CACNA1C: variants seen among roughly 807,000 people sequenced by gnomAD.
The protein encoded by CACNA1C is voltage-dependent L-type calcium channel subunit alpha-1C.
Under a neutral mutation model 229.0 loss-of-function variants are expected in CACNA1C, and 30 were observed. That is an observed-to-expected ratio of 0.13 (90% confidence interval 0.10 to 0.18). The LOEUF is 0.18. Ranked by LOEUF, CACNA1C falls within the 10% of genes least tolerant of loss-of-function variation. The probability of loss-of-function intolerance (pLI) is 1.00; values close to 1 mark genes in which losing one functional copy is unlikely to be tolerated. For missense variants in CACNA1C, 1,658 were observed against 2,845.0 expected (o/e 0.58, Z 9.49); for synonymous variants, 1,114 against 1,132.5 (o/e 0.98, Z 0.33).
At chr12:2,028,486 CTATCAGT>C (rs1398527822) in intron 1 of CACNA1C, among the ~76,000 whole-genome samples, 1 of 152,176 alleles carries the variant, frequency 6.6e-6, no homozygotes, top group African/African-American at 2.4e-5. Context: ...TACAGATCTT[CTATCAGT>C]CCAATGTTCT....
intron 1 of CACNA1C, among the ~76,000 whole-genome samples, chr12:1,998,183 T>C (rs1226363415): frequency 6.6e-6 from 1 of 152,246 alleles, no homozygotes; most frequent in Non-Finnish European, 1.5e-5. Flanking sequence ...CAGTCTTTCT[T>C]TTGTCATTTA....
chr12:2,171,866 T>C (rs1002775321), intron 3 of CACNA1C, among the ~76,000 whole-genome samples: 2 of 152,038 alleles, frequency 1.3e-5, no homozygotes, highest in Non-Finnish European at 2.9e-5. Flanking sequence ...TGTGACCCTG[T>C]GATAAAGAGC....
rs560652371 is a variant in CACNA1C at position 2,472,671 on chromosome 12, C to T, written c.758-13433C>T. Among the ~76,000 whole-genome samples the T allele has an allele frequency of 2.6e-5, 4 of 152,292 alleles. No homozygotes were observed. In the East Asian group the frequency reaches 7.7e-4, roughly 29 times the overall value. On this transcript the variant is annotated intron_variant, in intron 5 of 46. Coordinates refer to ENST00000399655, the MANE Select transcript of CACNA1C (RefSeq NM_000719.7). Reference sequence around the variant, plus strand: ...TCAAATCGTTGTCTGCCAAGTCCAACATCTGAACAATCTCATTTTTTGTTT... The same window carrying T: ...TCAAATCGTTGTCTGCCAAGTCCAATATCTGAACAATCTCATTTTTTGTTT...
intron 3 of CACNA1C, among the ~76,000 whole-genome samples, chr12:2,398,911 T>C (rs776983014): frequency 1.4e-4 from 22 of 152,158 alleles, no homozygotes; most frequent in Non-Finnish European, 2.9e-4. Context: ...ATTTTTGTTA[T>C]TGGTAACAGC....
chr12:2,595,853 C>T lies in CACNA1C; in HGVS notation c.2664-21C>T, dbSNP rs41276702. 1.8e-5 allele frequency: 29 copies of T among 1,610,848 alleles called. No individual in the cohort carries two copies. Among genetic ancestry groups the T allele is most frequent in the Non-Finnish European group, 2.4e-5 (28 of 1,178,426 alleles). On this transcript the variant is annotated intron_variant, in intron 19 of 46. Transcript: ENST00000399655. The surrounding 1 kb of genome is among the most constrained non-coding windows in gnomAD (Gnocchi z 4.1). The stretch of plus-strand genomic sequence containing the variant: ...TTGTCTGCCTTGACTTGTCTCTCCT[C>T]CTGTCCCCTCTCCCGTACAGGTTTC...
chr12:2,166,700 T>C (rs1469743754), intron 3 of CACNA1C, among the ~76,000 whole-genome samples: 1 of 152,246 alleles, frequency 6.6e-6, no homozygotes, highest in East Asian at 1.9e-4. Context: ...CTTGGCATTG[T>C]GCCTGCCTCA....
Position 2,359,538 on chromosome 12 carries a change from ATTT to A in CACNA1C, c.478-89423_478-89421del, listed in dbSNP as rs200608699. On this transcript the variant is annotated intron_variant, in intron 3 of 46. Coordinates refer to ENST00000399655, the MANE Select transcript of CACNA1C (RefSeq NM_000719.7). The stretch of plus-strand genomic sequence containing the variant: ...AGCCTTCGAATCCTTTTGGAGCAGG[ATTT>A]TTTTTTTTTTTTTTAAATCTCACAA... Among the ~76,000 whole-genome samples the A allele has an allele frequency of 5.6e-5, 8 of 143,544 alleles. No individual in the cohort carries two copies. The South Asian group carries it at 6.8e-4, about 12-fold the overall frequency. The allele number at this position is 143,544 out of a possible 152,430, so 94.2% of individuals were successfully genotyped here. A position where few individuals can be genotyped will look rare whatever the true frequency, so the allele number is the denominator to read the frequency against.
At position 2,653,763 on chromosome 12, in the gene CACNA1C, G is replaced by A; in HGVS notation, c.4075-72G>A. The A allele has an allele frequency of 7.6e-7, 1 of 1,313,988 alleles. No individual in the cohort carries two copies. Among genetic ancestry groups the A allele is most frequent in the Non-Finnish European group, 1.1e-6 (1 of 914,220 alleles). The allele number at this position is 1,313,988 out of a possible 1,614,324, so 81.4% of individuals were successfully genotyped here. On this transcript the variant is annotated intron_variant, in intron 32 of 46. Coordinates refer to ENST00000399655, the MANE Select transcript of CACNA1C (RefSeq NM_000719.7). The surrounding 1 kb of genome is among the most constrained non-coding windows in gnomAD (Gnocchi z 4.7). ...TGATGGCTGCAGAGACAGGGATGCGGCGCTCCCTGGGAAGGGGCCCAGCTG... is the reference window on the plus strand; with the variant it reads ...TGATGGCTGCAGAGACAGGGATGCGACGCTCCCTGGGAAGGGGCCCAGCTG...
At chr12:2,350,565 A>C (rs751505516) in intron 3 of CACNA1C, among the ~76,000 whole-genome samples, 3 of 152,220 alleles carry the variant, frequency 2.0e-5, no homozygotes, top group Non-Finnish European at 4.4e-5. Flanking sequence ...CAATGATGGC[A>C]AACAGAAGAG....
intron 3 of CACNA1C, among the ~76,000 whole-genome samples, chr12:2,236,519 A>C (rs1566587917): frequency 6.6e-6 from 1 of 152,190 alleles, no homozygotes; most frequent in Non-Finnish European, 1.5e-5. Flanking sequence ...ACTCTAATGG[A>C]AAATGGAAAG....
At chr12:2,248,174 C>T (rs184210148) in intron 3 of CACNA1C, among the ~76,000 whole-genome samples, 1 of 152,230 alleles carries the variant, frequency 6.6e-6, no homozygotes, top group African/African-American at 2.4e-5. Context: ...AATCTCCTCT[C>T]CTATGCTGTG....
intron 13 of CACNA1C, among the ~76,000 whole-genome samples, chr12:2,576,970 T>C (rs1222579434): frequency 1.3e-5 from 2 of 152,122 alleles, no homozygotes; most frequent in African/African-American, 2.4e-5. Context: ...ATATAAAACA[T>C]CCCTGATAAT....
chr12:2,678,017 A>G lies in CACNA1C; in HGVS notation c.5091+150A>G. The G allele has an allele frequency of 4.5e-6, 4 of 880,170 alleles. No individual in the cohort carries two copies. The highest frequency in any genetic ancestry group is 6.9e-6 in the Non-Finnish European group (4 of 581,304). The allele number at this position is 880,170 out of a possible 1,614,324, so 54.5% of individuals were successfully genotyped here. ...GCTCTTCCTGATGAGCTGTCTCCTCACCCCTTTGCCTTTTCCAAGCCTGAC... is the reference window on the plus strand; with the variant it reads ...GCTCTTCCTGATGAGCTGTCTCCTCGCCCCTTTGCCTTTTCCAAGCCTGAC... On this transcript the variant is annotated intron_variant, in intron 41 of 46. Coordinates refer to ENST00000399655, the MANE Select transcript of CACNA1C (RefSeq NM_000719.7). This position sits in a 1 kb window ranked among gnomAD's most constrained non-coding sequence, Gnocchi z 4.1.
intron 1 of CACNA1C, among the ~76,000 whole-genome samples, chr12:2,035,202 T>G (rs764076991): frequency 6.6e-6 from 1 of 152,344 alleles, no homozygotes; most frequent in Non-Finnish European, 1.5e-5. Context: ...CTCCTGCTGC[T>G]CCAGAACTGC....
At chr12:2,084,074 C>A (rs963811665) in intron 1 of CACNA1C, among the ~76,000 whole-genome samples, 7 of 152,228 alleles carry the variant, frequency 4.6e-5, no homozygotes, top group African/African-American at 1.7e-4. Context: ...ATTAAAATGT[C>A]TCTTCTTTTG....
rs2032379516 is a variant in CACNA1C, at chr12:1,971,773, A to G, written c.139+572A>G. Among the ~76,000 whole-genome samples, 1 of 152,056 alleles carries G rather than the reference A, an allele frequency of 6.6e-6. No homozygotes were observed. On this transcript the variant is annotated intron_variant, in intron 1 of 46. Coordinates refer to the CACNA1C transcript ENST00000682462. The surrounding 1 kb of genome is among the most constrained non-coding windows in gnomAD (Gnocchi z 4.2). ...AGTTCATTTTGCATGTTCTTTGGGG[A>G]TTTGCCTTATCTCATTTATGTTCCT... is the stretch of plus-strand genomic sequence containing the variant.
chr12:2,177,139 C>T (rs1229640951), intron 3 of CACNA1C, among the ~76,000 whole-genome samples: 1 of 152,144 alleles, frequency 6.6e-6, no homozygotes, highest in African/African-American at 2.4e-5. Flanking sequence ...ACCCAGAGAG[C>T]CCTTCTGTGG....
At chr12:2,586,052 A>G (rs1365448010) in intron 18 of CACNA1C, 148 bp downstream of exon 18, 11 of 520,788 alleles carry the variant, frequency 2.1e-5, no homozygotes, top group Non-Finnish European at 3.4e-5. Flanking sequence ...TTCTATCTCT[A>G]TATTTAAGCA....
chr12:2,659,797 C>G (rs1274841694), intron 34 of CACNA1C: 4 of 150,104 alleles, frequency 2.7e-5, no homozygotes, highest in East Asian at 3.9e-4. Context: ...CCATCAAATC[C>G]AATTTTTTTA....
Sources: gnomAD v4.1 joint callset for allele counts (sites outside exome capture counted in the v4.1 genomes callset) on GRCh38, gnomAD v4.1.1 for gene constraint, Gnocchi (gnomAD v3.1) non-coding constraint, MANE v1.5 for transcripts, NCBI Gene and HGNC (gene_info 2026-07-23, HGNC 2026-07-21) for gene names.